UNC13C: variants seen among roughly 807,000 people sequenced by gnomAD.
UNC13C encodes unc-13 homolog C.
A neutral mutation model predicts 245.4 loss-of-function variants in UNC13C; 174 were observed. The ratio of observed to expected loss-of-function variants is 0.71; its 90% CI spans 0.63 to 0.80. The LOEUF is 0.80. Ranked by LOEUF, UNC13C falls within the 30% of genes least tolerant of loss-of-function variation. The pLI, the probability that UNC13C is intolerant of heterozygous loss-of-function variation, is 0.00. For synonymous variants in UNC13C, 992 were observed against 895.1 expected, an observed-to-expected ratio of 1.11 and a Z score of -1.93; for missense variants, 2,829 against 2,602.9, an observed-to-expected ratio of 1.09 and a Z score of -1.89.
rs369075993 is a variant in UNC13C, at chr15:54,160,864, ATAAT to A, written c.3071+17183_3071+17186del. Among the ~76,000 whole-genome samples the A allele has an allele frequency of 3.0e-4, 46 of 152,238 alleles. 1 individual carries two copies. Among genetic ancestry groups the A allele is most frequent in the African/African-American group, 1.1e-3 (46 of 41,532 alleles). Reference sequence around the variant, plus strand: ...TATCTATATCTCTAATATATTTCTGATAATTAGTTTAAATTTTTATGATAAAGCT... The same window carrying A: ...TATCTATATCTCTAATATATTTCTGATAGTTTAAATTTTTATGATAAAGCT... On this transcript the variant is annotated intron_variant, in intron 4 of 32. Coordinates refer to ENST00000260323, the MANE Select transcript of UNC13C (RefSeq NM_001080534.3).
chr15:53,948,630 G>C, the UNC13C span: 3 of 151,194 alleles, frequency 2.0e-5, no homozygotes, highest in African/African-American at 7.3e-5. Context: ...AAAAAAAAGA[G>C]TTATCAACAG....
At chr15:54,460,880 G>A (rs1891809385) in intron 19 of UNC13C, among the ~76,000 whole-genome samples, 1 of 152,132 alleles carries the variant, frequency 6.6e-6, no homozygotes, top group South Asian at 2.1e-4. Context: ...CTCAAGTCTA[G>A]AATATAGGAA....
At chr15:54,369,378 G>A (rs552963305) in intron 17 of UNC13C, among the ~76,000 whole-genome samples, 16 of 152,182 alleles carry the variant, frequency 1.1e-4, no homozygotes, top group East Asian at 9.7e-4. Context: ...TTGCAATCCA[G>A]CATAACAGCC....
At chr15:54,586,295 C>T (rs922789386) in intron 30 of UNC13C, among the ~76,000 whole-genome samples, 12 of 152,326 alleles carry the variant, frequency 7.9e-5, no homozygotes, top group African/African-American at 2.9e-4. Flanking sequence ...CAAAATACTA[C>T]AGATTGGGTA....
At chr15:54,035,316 C>A (rs1896530066) in intron 2 of UNC13C, among the ~76,000 whole-genome samples, 2 of 152,116 alleles carry the variant, frequency 1.3e-5, no homozygotes, top group Admixed American at 1.3e-4. Context: ...ATTACATATA[C>A]ACACTGTATC....
chr15:54,298,144 G>A (rs1417546436), intron 12 of UNC13C, among the ~76,000 whole-genome samples: 1 of 152,120 alleles, frequency 6.6e-6, no homozygotes, highest in African/African-American at 2.4e-5. Flanking sequence ...GAACAAGCCT[G>A]TGAGGCAGGT....
intron 24 of UNC13C, among the ~76,000 whole-genome samples, chr15:54,520,486 G>C (rs1895169082): frequency 6.6e-6 from 1 of 152,154 alleles, no homozygotes; most frequent in Admixed American, 6.5e-5. Flanking sequence ...TAAGAATGTT[G>C]ATAATAGATT....
Position 54,500,735 on chromosome 15 carries a change from T to C in UNC13C, c.5158-100T>C, listed in dbSNP as rs28662932. The C allele has an allele frequency of 1.2e-3, 1,119 of 916,708 alleles. 10 individuals carry two copies. In the African/African-American group the frequency reaches 0.016, roughly 13 times the overall value. 56.8% of individuals were successfully genotyped at this position (916,708 alleles called of 1,614,324 possible). A position where few individuals can be genotyped will look rare whatever the true frequency, so the allele number is the denominator to read the frequency against. ...ATTTTATTACTGGGAAATGTAAATATGTGATACGGGAGATTCAGTTGTTGA... is the reference window on the plus strand; with the variant it reads ...ATTTTATTACTGGGAAATGTAAATACGTGATACGGGAGATTCAGTTGTTGA... On this transcript the variant is annotated intron_variant, in intron 21 of 32. Coordinates refer to ENST00000260323, the MANE Select transcript of UNC13C (RefSeq NM_001080534.3).
At chr15:54,123,504 C>T (rs1214488809) in intron 2 of UNC13C, among the ~76,000 whole-genome samples, 3 of 151,618 alleles carry the variant, frequency 2.0e-5, no homozygotes, top group African/African-American at 7.3e-5. Context: ...AACTTTAAAT[C>T]TTGATTAAAT....
At chr15:54,539,062 C>A (rs1174611065) in intron 26 of UNC13C, among the ~76,000 whole-genome samples, 17 of 151,958 alleles carry the variant, frequency 1.1e-4, no homozygotes, top group African/African-American at 2.4e-5. Context: ...TAGTGCATTT[C>A]TTTTTCTTTC....
chr15:54,113,083 G>A (rs890840925), intron 2 of UNC13C, among the ~76,000 whole-genome samples: 6 of 128,812 alleles, frequency 4.7e-5, no homozygotes, highest in Middle Eastern at 3.8e-3. Flanking sequence ...CATGTTAGGC[G>A]AGATTTTTTT....
chr15:54,509,738 G>A (rs543624137), intron 23 of UNC13C, among the ~76,000 whole-genome samples: 41 of 151,914 alleles, frequency 2.7e-4, no homozygotes, highest in Admixed American at 2.2e-3. Context: ...TGAAGTTGTC[G>A]AAAGTAAAAA....
rs1300910959 is a variant in UNC13C, at chr15:54,362,829, CATAG to C, written c.4713+24341_4713+24344del. On this transcript the variant is annotated intron_variant, in intron 17 of 32. Transcript: ENST00000260323. ...GAGAAAAAAAGGTGTTCTACGAGTA[CATAG>C]GAGGCTCACATAATCCATTGGGGAT... Among the ~76,000 whole-genome samples, 4 of 152,098 alleles carry C rather than the reference CATAG, an allele frequency of 2.6e-5. No individual in the cohort carries two copies. In the East Asian group the frequency reaches 7.7e-4, roughly 29 times the overall value.
intron 2 of UNC13C, chr15:54,049,847 G>T: frequency 4.2e-6 from 1 of 237,404 alleles, no homozygotes. Flanking sequence ...ACAGTGGGTG[G>T]CTGTAACTAT....
chr15:54,085,099 A>G (rs1326411138), intron 2 of UNC13C, among the ~76,000 whole-genome samples: 1 of 152,178 alleles, frequency 6.6e-6, no homozygotes, highest in African/African-American at 2.4e-5. Context: ...CAGTATTGGT[A>G]GAAGAGTAAT....
intron 4 of UNC13C, among the ~76,000 whole-genome samples, chr15:54,216,126 G>T (rs8027528): frequency 0.61 from 91,996 of 151,722 alleles, 28,294 homozygotes; most frequent in Middle Eastern, 0.67. Flanking sequence ...GGACAAGATT[G>T]GATATCTCTT....
chr15:54,147,781 G>GGTGTGCGTGTGTGTGT (rs1555423221), intron 4 of UNC13C, among the ~76,000 whole-genome samples: 3 of 24,550 alleles, frequency 1.2e-4, no homozygotes, highest in Non-Finnish European at 3.9e-4. Context: ...AGCATTGCAA[G>GGTGTGCGTGTGTGTGT]GTGTGTGCGT....
the UNC13C span, among the ~76,000 whole-genome samples, chr15:53,928,184 C>T: frequency 5.7e-4 from 86 of 152,158 alleles, no homozygotes; most frequent in East Asian, 0.016. Context: ...GAGCTGAGAG[C>T]CCCGAACAGA....
chr15:54,357,928 T>G (rs1311231859), intron 17 of UNC13C, among the ~76,000 whole-genome samples: 3 of 152,036 alleles, frequency 2.0e-5, no homozygotes, highest in African/African-American at 7.2e-5. Flanking sequence ...TTTATTATTA[T>G]CAAAAGCCCA....
Sources: allele counts gnomAD v4.1 joint callset (sites outside exome capture counted in the v4.1 genomes callset), GRCh38; gene constraint gnomAD v4.1.1; transcripts MANE v1.5; gene names NCBI Gene and HGNC (gene_info 2026-07-23, HGNC 2026-07-21).